HSPA4: variants seen among roughly 807,000 people sequenced by gnomAD.
HSPA4 encodes heat shock 70 kDa protein 4.
HSPA4 carries 25 observed loss-of-function variants against 106.2 expected under a neutral mutation model. That is an observed-to-expected ratio of 0.24 (90% CI 0.17 to 0.33). The LOEUF (loss-of-function observed/expected upper bound fraction) is 0.33, where lower values mean the gene tolerates loss of function less well. Among genes scored for constraint, HSPA4 ranks in the 10% least tolerant of loss-of-function variants. The pLI, the probability that HSPA4 is intolerant of heterozygous loss-of-function variation, is 1.00. For missense variants in HSPA4, 841 were observed against 996.0 expected (o/e 0.84, Z 2.10); for synonymous variants, 332 against 333.6 (o/e 1.00, Z 0.05).
At chr5:133,092,837 T>TGAGACAGAG in intron 13 of HSPA4, 48 bp downstream of exon 13, 1 of 750,412 alleles carries the variant, frequency 1.3e-6, no homozygotes, top group Non-Finnish European at 2.0e-6. Flanking sequence ...TTTTTTTTTT[T>TGAGACAGAG]TGAGACAGAG....
intron 16 of HSPA4, chr5:133,101,548 A>G (rs965572131): frequency 4.6e-6 from 2 of 437,560 alleles, no homozygotes; most frequent in Admixed American, 4.4e-5. Flanking sequence ...GGCTCAGGTG[A>G]CAAATTGAAG....
At chr5:133,094,997 T>C (rs185596949) in intron 13 of HSPA4, among the ~76,000 whole-genome samples, 30 of 152,256 alleles carry the variant, frequency 2.0e-4, no homozygotes, top group Middle Eastern at 3.4e-3. Flanking sequence ...TCAAAACTTA[T>C]ATGTAGACAA....
chr5:133,096,731 T>A (rs936804429), intron 14 of HSPA4, among the ~76,000 whole-genome samples: 1 of 152,224 alleles, frequency 6.6e-6, no homozygotes, highest in African/African-American at 2.4e-5. Flanking sequence ...ATTGAATTAA[T>A]TTTTGTCTAT....
chr5:133,103,966 C>T lies in HSPA4; in HGVS notation c.2259C>T (p.Asn753=), dbSNP rs747228289. Residue 753 remains asparagine (N), a synonymous_variant, in exon 18 of 19, where the codon AAC becomes AAT. Transcript: ENST00000304858. ...TGAATAACAAGCTAAATCTGCAGAA[C>T]AAGCAGAGTTTGACCATGGATCCAG... is the stretch of plus-strand genomic sequence containing the variant. The part of the protein sequence containing the change: ...EWMNNKLNLQ[N]KQSLTMDPVV... 14 of 1,613,706 alleles carry T rather than the reference C, an allele frequency of 8.7e-6. No individual in the cohort carries two copies. The highest frequency in any genetic ancestry group is 1.1e-5 in the Non-Finnish European group (13 of 1,179,770).
intron 1 of HSPA4, among the ~76,000 whole-genome samples, chr5:133,062,139 A>G (rs1249599477): frequency 6.6e-6 from 1 of 152,088 alleles, no homozygotes; most frequent in Non-Finnish European, 1.5e-5. Flanking sequence ...GGGTTGGGAG[A>G]GGCCTTAGGT....
chr5:133,077,928 G>A (rs1765465793), intron 7 of HSPA4, among the ~76,000 whole-genome samples: 1 of 152,208 alleles, frequency 6.6e-6, no homozygotes, highest in Non-Finnish European at 1.5e-5. Context: ...AGGTAAGCCA[G>A]TATGTTTAAG....
rs1420833764 is a variant in HSPA4 at position 133,067,487 on chromosome 5, T to A, written c.236T>A (p.Phe79Tyr). ...RFHGRAFSDPFVEAEKSNLAY... is the reference protein window; with the variant it reads ...RFHGRAFSDPYVEAEKSNLAY... ...CATGGCCGAGCATTCTCTGATCCATTTGTGGAGGCAGAAAAATCTAACCTT... is the reference window on the plus strand; with the variant it reads ...CATGGCCGAGCATTCTCTGATCCATATGTGGAGGCAGAAAAATCTAACCTT... Residue 79 changes from phenylalanine to tyrosine, a missense_variant, in exon 3 of 19, where the codon TTT becomes TAT. Transcript: ENST00000304858. 6.2e-7 allele frequency: 1 copy of A among 1,613,764 alleles called. No homozygotes were observed. Among genetic ancestry groups the A allele is most frequent in the Admixed American group, 1.7e-5 (1 of 60,016 alleles).
chr5:133,090,205 C>T (rs557640507), intron 11 of HSPA4, among the ~76,000 whole-genome samples: 6 of 151,876 alleles, frequency 4.0e-5, no homozygotes, highest in South Asian at 2.1e-4. Context: ...GAGGCCAAGG[C>T]GGGCAGGTCA....
At chr5:133,093,602 T>G (rs997530689) in intron 13 of HSPA4, among the ~76,000 whole-genome samples, 1 of 152,084 alleles carries the variant, frequency 6.6e-6, no homozygotes, top group African/African-American at 2.4e-5. Context: ...GCGATTCTTA[T>G]GCCTCAGCCT....
chr5:133,103,054 GT>G (rs925577360), intron 17 of HSPA4, among the ~76,000 whole-genome samples: 1 of 147,606 alleles, frequency 6.8e-6, no homozygotes, highest in Non-Finnish European at 1.5e-5. Flanking sequence ...TCCTTTTTTT[GT>G]TTTTTTTTCC....
At position 133,067,465 on chromosome 5, in the gene HSPA4, G is replaced by A; in HGVS notation, c.214G>A (p.Gly72Ser). The change falls in exon 3 of 19, where the codon GGC (glycine) becomes AGC (serine). Residue 72 changes from glycine (G) to serine (S), a missense_variant. Gly to Ser is a moderately conservative substitution (Grantham distance 56). This residue lies in a region of HSPA4 where 347 missense variants were observed against 408.7 expected (regional missense o/e 0.85). Coordinates refer to ENST00000304858, the MANE Select transcript of HSPA4 (RefSeq NM_002154.4). Reference protein sequence around the residue: ...NTVQGFKRFHGRAFSDPFVEA... With the variant: ...NTVQGFKRFHSRAFSDPFVEA... ...AGTCCAAGGATTTAAAAGATTCCATGGCCGAGCATTCTCTGATCCATTTGT... is the reference window on the plus strand; with the variant it reads ...AGTCCAAGGATTTAAAAGATTCCATAGCCGAGCATTCTCTGATCCATTTGT... 1.9e-6 allele frequency: 3 copies of A among 1,613,640 alleles called. No individual in the cohort carries two copies. Among genetic ancestry groups the A allele is most frequent in the Non-Finnish European group, 2.5e-6 (3 of 1,179,556 alleles).
Position 133,105,610 on chromosome 5 carries a change from A to G in HSPA4, c.*1174A>G, listed in dbSNP as rs13718. ...AGGAGTGAGGCATTTTGGAAACTCC[A>G]AGGGAAGCCTGTGTTTGAGGCCAGA... On this transcript the variant is annotated 3_prime_UTR_variant, in exon 19 of 19. Transcript: ENST00000304858. 0.22 allele frequency: 33,805 copies of G among 152,094 alleles called. 3,891 individuals carry two copies. The highest frequency in any genetic ancestry group is 0.26 in the South Asian group (1,240 of 4,830). 9.4% of individuals were successfully genotyped at this position (152,094 alleles called of 1,614,324 possible).
Position 133,088,522 on chromosome 5 carries a change from T to C in HSPA4, c.1104T>C (p.Ala368=), listed in dbSNP as rs761814308. The C allele has an allele frequency of 4.3e-6, 7 of 1,613,916 alleles. No individual in the cohort carries two copies. The African/African-American group carries it at 6.7e-5, about 15-fold the overall frequency. The change falls in exon 9 of 19, where the codon GCT becomes GCC. Residue 368 remains alanine, a synonymous_variant. Transcript: ENST00000304858. ...FGKELSTTLN[A]DEAVTRGCAL... ...AAGAACTTAGTACAACATTAAATGC[T>C]GATGAAGCTGTCACTCGAGGCTGTG...
chr5:133,098,171 T>A (rs950014884), intron 15 of HSPA4, among the ~76,000 whole-genome samples: 2 of 152,218 alleles, frequency 1.3e-5, no homozygotes, highest in African/African-American at 4.8e-5. Context: ...TATTTGGTTT[T>A]CCATTCCCAA....
intron 7 of HSPA4, among the ~76,000 whole-genome samples, chr5:133,081,170 C>T (rs1765510572): frequency 1.3e-5 from 2 of 152,094 alleles, no homozygotes; most frequent in Non-Finnish European, 2.9e-5. Context: ...GCCTCAGCCT[C>T]CTCAGTAGCT....
chr5:133,067,358 G>C (rs1017650655), intron 2 of HSPA4, 59 bp from the exon 3 acceptor site: 1 of 1,398,522 alleles, frequency 7.2e-7, no homozygotes, highest in African/African-American at 1.5e-5. Flanking sequence ...ATCTGAGGCT[G>C]TTGAAATAAA....
At chr5:133,066,595 T>A (rs184256826) in intron 2 of HSPA4, among the ~76,000 whole-genome samples, 2 of 152,324 alleles carry the variant, frequency 1.3e-5, no homozygotes, top group African/African-American at 4.8e-5. Flanking sequence ...ATTAACCATT[T>A]AGGCTGTTTC....
At chr5:133,088,964 A>AT in intron 9 of HSPA4, 91 bp from the exon 10 acceptor site, 2 of 619,302 alleles carry the variant, frequency 3.2e-6, no homozygotes, top group Non-Finnish European at 5.5e-6. Context: ...AAGACCATTG[A>AT]TTTTCTGAAG....
chr5:133,062,571 T>A (rs892966961), intron 1 of HSPA4, among the ~76,000 whole-genome samples: 5 of 152,186 alleles, frequency 3.3e-5, no homozygotes, highest in African/African-American at 9.7e-5. Context: ...GAGGATTTTT[T>A]TTTATTTATT....
Sources: allele counts gnomAD v4.1 joint callset (sites outside exome capture counted in the v4.1 genomes callset), GRCh38; gene constraint gnomAD v4.1.1; regional missense constraint gnomAD v4.1.1; transcripts MANE v1.5; gene names NCBI Gene and HGNC (gene_info 2026-07-23, HGNC 2026-07-21).